Variants in PGGT1B observed in about 807,000 individuals in gnomAD.
PGGT1B encodes the protein geranylgeranyl transferase type-1 subunit beta.
A neutral mutation model predicts 46.1 loss-of-function variants in PGGT1B; 30 were observed. The observed-to-expected ratio is 0.65, with a 90% confidence interval of 0.49 to 0.88. The LOEUF (loss-of-function observed/expected upper bound fraction) is 0.88. Among genes scored for constraint, PGGT1B ranks in the 40% least tolerant of loss-of-function variants. PGGT1B has a pLI of 0.00. For synonymous variants in PGGT1B, 170 were observed against 160.0 expected, an observed-to-expected ratio of 1.06 and a Z score of -0.47; for missense variants, 376 against 455.9, an observed-to-expected ratio of 0.82 and a Z score of 1.60.
At chr5:115,234,038 G>A (rs1757087622) in intron 5 of PGGT1B, among the ~76,000 whole-genome samples, 1 of 151,816 alleles carries the variant, frequency 6.6e-6, no homozygotes, top group Non-Finnish European at 1.5e-5. Flanking sequence ...TGCTCTAAAT[G>A]TAGAATAGCT....
chr5:115,219,582 G>T (rs1561470883), intron 7 of PGGT1B, among the ~76,000 whole-genome samples: 1 of 151,610 alleles, frequency 6.6e-6, no homozygotes, highest in Non-Finnish European at 1.5e-5. Flanking sequence ...ATCAATAAAA[G>T]AAAAATTTTG....
In PGGT1B at chr5:115,208,376, G is replaced by C. The variant is rs540512083; in HGVS notation, c.*4026C>G. On this transcript the variant is annotated 3_prime_UTR_variant, in exon 9 of 9. Transcript: ENST00000419445. ...GGTAGAAATCCCCTTGAAACAATCT[G>C]GGCTTGATGCTTCTTTTGGTAAGGG... is the stretch of plus-strand genomic sequence containing the variant. 7.2e-5 allele frequency: 11 copies of C among 151,758 alleles called. No homozygotes were observed. The highest frequency in any genetic ancestry group is 2.0e-4 in the Admixed American group (3 of 15,210). 9.4% of individuals were successfully genotyped at this position (151,758 alleles called of 1,614,324 possible).
intron 8 of PGGT1B, among the ~76,000 whole-genome samples, chr5:115,215,154 A>G (rs265423): frequency 0.12 from 18,109 of 152,018 alleles, 1,274 homozygotes; most frequent in Middle Eastern, 0.2. Flanking sequence ...GTGCACCACC[A>G]TGCCTGGCTA....
intron 8 of PGGT1B, among the ~76,000 whole-genome samples, chr5:115,216,173 T>C (rs925640113): frequency 1.1e-4 from 17 of 152,112 alleles, no homozygotes; most frequent in Admixed American, 5.2e-4. Flanking sequence ...AGAGTCTCGC[T>C]CTGTCACACA....
At position 115,208,853 on chromosome 5, in the gene PGGT1B, C is replaced by T. The variant is rs1201308570; in HGVS notation, c.*3549G>A. 1 of 151,814 alleles carries T rather than the reference C, an allele frequency of 6.6e-6. No homozygotes were observed. The highest frequency in any genetic ancestry group is 1.5e-5 in the Non-Finnish European group (1 of 67,926). The allele number at this position is 151,814 out of a possible 1,614,324, so 9.4% of individuals were successfully genotyped here. The stretch of plus-strand genomic sequence containing the variant: ...TAATATAAATTTCCTGTCATATTTG[C>T]ATTTTATTTTTTGGCAAATATTAGG... On this transcript the variant is annotated 3_prime_UTR_variant, in exon 9 of 9. Coordinates refer to ENST00000419445, the MANE Select transcript of PGGT1B (RefSeq NM_005023.4).
At position 115,210,608 on chromosome 5, in the gene PGGT1B, C is replaced by G. The variant is rs1756193084; in HGVS notation, c.*1794G>C. On this transcript the variant is annotated 3_prime_UTR_variant, in exon 9 of 9. Transcript: ENST00000419445. ...AATACTTTTAGATTGGAATTTTTCT[C>G]TAACATTTATGAATAAAATCACTGT... The G allele has an allele frequency of 6.6e-6, 1 of 152,022 alleles. No individual in the cohort carries two copies. Among genetic ancestry groups the G allele is most frequent in the Non-Finnish European group, 1.5e-5 (1 of 67,954 alleles). 9.4% of individuals were successfully genotyped at this position (152,022 alleles called of 1,614,324 possible). A position where few individuals can be genotyped will look rare whatever the true frequency, so the allele number is the denominator to read the frequency against.
At position 115,237,891 on chromosome 5, in the gene PGGT1B, G is replaced by A. The variant is rs376386271; in HGVS notation, c.446C>T (p.Ala149Val). ...TTCCAGCTGAAGGGCTCTCAAGCCC[G>A]CTAAGCAAGCTTCTTTATTTACTCG... ...LSRVNKEACL[A>V]GLRALQLEDG... The change falls in exon 4 of 9, where the codon GCG (alanine) becomes GTG (valine). Residue 149 changes from alanine (A) to valine (V), a missense_variant. Around this residue, in one of 2 missense-constraint regions of PGGT1B, gnomAD observed 222 missense variants for 313.6 expected, o/e 0.71. Transcript: ENST00000419445. The A allele has an allele frequency of 3.1e-5, 50 of 1,611,444 alleles. No individual in the cohort carries two copies. Among genetic ancestry groups the A allele is most frequent in the East Asian group, 4.5e-5 (2 of 44,852 alleles).
intron 2 of PGGT1B, among the ~76,000 whole-genome samples, chr5:115,250,524 T>G (rs192673696): frequency 1.5e-3 from 229 of 152,254 alleles, no homozygotes; most frequent in African/African-American, 5.4e-3. Context: ...CAGCAATGAC[T>G]GAAGAAAAAA....
intron 2 of PGGT1B, among the ~76,000 whole-genome samples, chr5:115,248,754 A>T (rs1747963247): frequency 6.6e-6 from 1 of 152,234 alleles, no homozygotes; most frequent in Non-Finnish European, 1.5e-5. Flanking sequence ...GCCAGATGTC[A>T]ATCCGATTCT....
In PGGT1B at chr5:115,207,180, C is replaced by CATACATATATATATATATATATATAT. The variant is rs1554069083; in HGVS notation, c.*5221_*5222insATATATATATATATATATATATGTAT. 3 of 89,950 alleles carry CATACATATATATATATATATATATAT rather than the reference C, an allele frequency of 3.3e-5. No homozygotes were observed. Among genetic ancestry groups the CATACATATATATATATATATATATAT allele is most frequent in the Non-Finnish European group, 7.1e-5 (3 of 42,226 alleles). 5.6% of individuals were successfully genotyped at this position (89,950 alleles called of 1,614,324 possible). A position where few individuals can be genotyped will look rare whatever the true frequency, so the allele number is the denominator to read the frequency against. ...ACTAGTTTAGGTTTGCATATACATA[C>CATACATATATATATATATATATATAT]ATATATATATATATATATATATATA... On this transcript the variant is annotated 3_prime_UTR_variant, in exon 9 of 9. Transcript: ENST00000419445.
chr5:115,262,560 G>A, intron 1 of PGGT1B, 152 bp downstream of exon 1: 1 of 782,190 alleles, frequency 1.3e-6, no homozygotes. Flanking sequence ...GCGGGAGAGT[G>A]GGGGTAACCT....
chr5:115,242,405 A>T (rs1245933676), intron 2 of PGGT1B, among the ~76,000 whole-genome samples: 2 of 149,552 alleles, frequency 1.3e-5, no homozygotes, highest in South Asian at 2.1e-4. Flanking sequence ...CACCGCTGAT[A>T]AAAAAAAATC....
chr5:115,232,034 T>C (rs1757003399), intron 5 of PGGT1B, among the ~76,000 whole-genome samples: 1 of 152,104 alleles, frequency 6.6e-6, no homozygotes, highest in East Asian at 1.9e-4. Flanking sequence ...TTGTGTTCTT[T>C]GTCTCTCAGT....
At chr5:115,243,835 T>C (rs1757421958) in intron 2 of PGGT1B, among the ~76,000 whole-genome samples, 1 of 152,154 alleles carries the variant, frequency 6.6e-6, no homozygotes. Flanking sequence ...TTTTTGCTCC[T>C]AGATCCTCTC....
At position 115,237,858 on chromosome 5, in the gene PGGT1B, C is replaced by G; in HGVS notation, c.479G>C (p.Ser160Thr). 3.1e-6 allele frequency: 5 copies of G among 1,599,402 alleles called. No individual in the cohort carries two copies. Among genetic ancestry groups the G allele is most frequent in the Non-Finnish European group, 4.3e-6 (5 of 1,176,426 alleles). Residue 160 changes from serine (S) to threonine (T), a missense_variant and splice_region_variant, in exon 4 of 9, where the codon AGT (serine) becomes ACT (threonine). Around this residue, in one of 2 missense-constraint regions of PGGT1B, gnomAD observed 222 missense variants for 313.6 expected, o/e 0.71. Coordinates refer to ENST00000419445, the MANE Select transcript of PGGT1B (RefSeq NM_005023.4). ...GLRALQLEDG[S>T]FCAVPEGSEN... ...AAAAGTAACAAAGAATCACTCATACCTCCCATCTTCCAGCTGAAGGGCTCT... is the reference window on the plus strand; with the variant it reads ...AAAAGTAACAAAGAATCACTCATACGTCCCATCTTCCAGCTGAAGGGCTCT...
intron 1 of PGGT1B, among the ~76,000 whole-genome samples, chr5:115,257,529 T>A (rs1338887037): frequency 0.015 from 211 of 14,298 alleles, 1 homozygote; most frequent in African/African-American, 0.068. Context: ...AAACTCCATC[T>A]CAAAAAAAAA....
intron 1 of PGGT1B, among the ~76,000 whole-genome samples, chr5:115,255,390 CTTTG>C (rs1431345660): frequency 6.6e-6 from 1 of 151,062 alleles, no homozygotes; most frequent in Non-Finnish European, 1.5e-5. Flanking sequence ...AGAAGGTCCA[CTTTG>C]TTTGTATGCA....
rs929304040 is a variant in PGGT1B at position 115,207,425 on chromosome 5, C to CTA, written c.*4975_*4976dup. On this transcript the variant is annotated 3_prime_UTR_variant, in exon 9 of 9. Transcript: ENST00000419445. ...AAAGCCAGTTGAAAAATAATGTATA[C>CTA]TATATGGTTCCACTCATATAAAATT... is the stretch of plus-strand genomic sequence containing the variant. 2.6e-5 allele frequency: 4 copies of CTA among 151,568 alleles called. No individual in the cohort carries two copies. The highest frequency in any genetic ancestry group is 9.7e-5 in the African/African-American group (4 of 41,292). 9.4% of individuals were successfully genotyped at this position (151,568 alleles called of 1,614,324 possible).
chr5:115,235,526 G>A (rs1361181261), intron 5 of PGGT1B, among the ~76,000 whole-genome samples: 1 of 152,094 alleles, frequency 6.6e-6, no homozygotes, highest in Non-Finnish European at 1.5e-5. Flanking sequence ...TTAACCAAGT[G>A]AGCAGACACA....
Sources: gnomAD v4.1 joint callset for allele counts (sites outside exome capture counted in the v4.1 genomes callset) on GRCh38, gnomAD v4.1.1 for gene constraint, gnomAD v4.1.1 regional missense constraint, MANE v1.5 for transcripts, NCBI Gene and HGNC (gene_info 2026-07-23, HGNC 2026-07-21) for gene names.